Variants in B4GALNT3 observed in about 807,000 individuals in gnomAD.
B4GALNT3 encodes beta-1,4-N-acetylgalactosaminyltransferase 3.
Under a neutral mutation model 120.2 loss-of-function variants are expected in B4GALNT3, and 86 were observed. The ratio of observed to expected loss-of-function variants is 0.72; its 90% confidence interval spans 0.60 to 0.86. The LOEUF (loss-of-function observed/expected upper bound fraction) is 0.86. B4GALNT3 is among the 40% of genes least tolerant of loss of function. The pLI is 0.00. For missense variants in B4GALNT3, 1,167 were observed against 1,298.9 expected (o/e 0.90, Z 1.56); for synonymous variants, 518 against 510.4 (o/e 1.01, Z -0.20).
intron 1 of B4GALNT3, among the ~76,000 whole-genome samples, chr12:490,047 A>G (rs1414226697): frequency 6.6e-6 from 1 of 152,242 alleles, no homozygotes; most frequent in Non-Finnish European, 1.5e-5. Flanking sequence ...AGAGAAATGT[A>G]AAAATCTTGA....
rs573970193 is a variant in B4GALNT3, at chr12:544,433, A to G, written c.446A>G (p.His149Arg). Reference sequence around the variant, plus strand: ...AACCTGCATTTCCCACTGTACCCCCATGTGAGTGCCTGAGGGCTGCCTTGC... The same window carrying G: ...AACCTGCATTTCCCACTGTACCCCCGTGTGAGTGCCTGAGGGCTGCCTTGC... ...RRNLHFPLYP[H>R]IRTTLRKLAV... is the part of the protein sequence containing the mutation. The change falls in exon 4 of 20, where the codon CAT (histidine) becomes CGT (arginine). Residue 149 changes from histidine (H) to arginine (R), a missense_variant and splice_region_variant. Physicochemically the swap from His to Arg is conservative, Grantham distance 29. Transcript: ENST00000266383. 2.5e-6 allele frequency: 4 copies of G among 1,613,478 alleles called. No individual in the cohort carries two copies. In the East Asian group the frequency reaches 6.7e-5, roughly 27 times the overall value.
At chr12:555,025 A>G (rs1340351294) in intron 14 of B4GALNT3, among the ~76,000 whole-genome samples, 2 of 151,738 alleles carry the variant, frequency 1.3e-5, no homozygotes, top group Non-Finnish European at 2.9e-5. Context: ...TAAAAATACA[A>G]AAATTAGCAG....
intron 1 of B4GALNT3, among the ~76,000 whole-genome samples, chr12:526,054 G>C (rs940322831): frequency 4.6e-5 from 7 of 152,184 alleles, no homozygotes; most frequent in African/African-American, 1.7e-4. Flanking sequence ...GCATAATGCA[G>C]AACTGGCCTG....
chr12:546,213 G>GGGGGGTGTGAGAGGAGGGAA (rs1947005299), intron 6 of B4GALNT3, among the ~76,000 whole-genome samples: 1 of 111,942 alleles, frequency 8.9e-6, no homozygotes, highest in Non-Finnish European at 1.8e-5. Flanking sequence ...AGAGGAGGGA[G>GGGGGGTGTGAGAGGAGGGAA]GGGGGTGTGG....
At chr12:517,532 G>A (rs1946669355) in intron 1 of B4GALNT3, among the ~76,000 whole-genome samples, 2 of 151,980 alleles carry the variant, frequency 1.3e-5, no homozygotes, top group Admixed American at 1.3e-4. Flanking sequence ...GTCTCTTTAG[G>A]GACAGTGATG....
At chr12:499,506 TCAC>T (rs1946419959) in intron 1 of B4GALNT3, among the ~76,000 whole-genome samples, 1 of 125,624 alleles carries the variant, frequency 8.0e-6, no homozygotes, top group African/African-American at 3.8e-5. Flanking sequence ...GCCCGTGCTC[TCAC>T]TATCTACTAG....
chr12:492,067 A>AAAAAG (rs1555152661), intron 1 of B4GALNT3, among the ~76,000 whole-genome samples: 1 of 151,544 alleles, frequency 6.6e-6, no homozygotes, highest in African/African-American at 2.4e-5. Flanking sequence ...AAAAAAAAAA[A>AAAAAG]GAACAAGGCA....
intron 3 of B4GALNT3, chr12:543,249 A>G (rs1326037468): frequency 8.0e-7 from 1 of 1,251,300 alleles, no homozygotes; most frequent in Middle Eastern, 2.2e-4. Context: ...AATGGGATAG[A>G]GTGGGCCGGA....
chr12:523,030 T>C (rs900858201), intron 1 of B4GALNT3, among the ~76,000 whole-genome samples: 6 of 151,414 alleles, frequency 4.0e-5, no homozygotes, highest in African/African-American at 1.2e-4. Flanking sequence ...AAAAATTAAA[T>C]TTAAAAAAGA....
intron 1 of B4GALNT3, among the ~76,000 whole-genome samples, chr12:479,465 A>G (rs2120465139): frequency 6.6e-6 from 1 of 152,326 alleles, no homozygotes; most frequent in South Asian, 2.1e-4. Context: ...CATCAGCAGT[A>G]AAAGGGGATA....
chr12:472,976 CTTTTTTTT>C (rs71439341), intron 1 of B4GALNT3, among the ~76,000 whole-genome samples: 20 of 146,634 alleles, frequency 1.4e-4, no homozygotes, highest in East Asian at 4.0e-4. Context: ...TGTTCAAACA[CTTTTTTTT>C]TTTTTTTTTT....
At chr12:555,409 C>G (rs970345217) in intron 14 of B4GALNT3, 11 of 455,712 alleles carry the variant, frequency 2.4e-5, no homozygotes, top group Non-Finnish European at 4.0e-5. Flanking sequence ...GTTGTAGAAT[C>G]TATTAAACAC....
At position 552,072 on chromosome 12, in the gene B4GALNT3, T is replaced by C; in HGVS notation, c.1117T>C (p.Ser373Pro). Residue 373 changes from serine to proline, a missense_variant, in exon 12 of 20, where the codon TCT becomes CCT. By Grantham distance (74) the Ser-to-Pro change is moderately conservative. Around this residue, in one of 3 missense-constraint regions of B4GALNT3, gnomAD observed 983 missense variants for 1,102.5 expected, o/e 0.89. Transcript: ENST00000266383. ...RYQGLRFVHLSFVYPNDYTRL... is the reference protein window; with the variant it reads ...RYQGLRFVHLPFVYPNDYTRL... ...ATTTTTCCACTTCCAGGTTCATCTG[T>C]CTTTTGTTTACCCCAATGACTATAC... is the stretch of plus-strand genomic sequence containing the variant. 1 of 1,607,072 alleles carries C rather than the reference T, an allele frequency of 6.2e-7. No individual in the cohort carries two copies. Among genetic ancestry groups the C allele is most frequent in the South Asian group, 1.1e-5 (1 of 90,908 alleles).
At position 553,666 on chromosome 12, in the gene B4GALNT3, G is replaced by A. The variant is rs545338551; in HGVS notation, c.1743G>A (p.Gln581=). The change falls in exon 14 of 20, where the codon CAG becomes CAA. Residue 581 remains glutamine (Q), a synonymous_variant. Coordinates refer to ENST00000266383, the MANE Select transcript of B4GALNT3 (RefSeq NM_173593.4). ...EQRRGDRMRP[Q]APGRGWHGEE... ...GACGGGGTGACAGGATGCGGCCTCA[G>A]GCCCCTGGAAGGGGCTGGCATGGGG... is the stretch of plus-strand genomic sequence containing the variant. 4 of 1,614,064 alleles carry A rather than the reference G, an allele frequency of 2.5e-6. No individual in the cohort carries two copies. The highest frequency in any genetic ancestry group is 1.7e-5 in the Admixed American group (1 of 60,032).
chr12:509,690 A>T (rs751933800), intron 1 of B4GALNT3, among the ~76,000 whole-genome samples: 2 of 152,134 alleles, frequency 1.3e-5, no homozygotes, highest in Non-Finnish European at 2.9e-5. Flanking sequence ...TCCCTCCTGG[A>T]TTCCAGACTG....
intron 18 of B4GALNT3, 83 bp downstream of exon 18, chr12:558,744 A>G (rs12368256): frequency 0.3 from 434,524 of 1,440,986 alleles, 68,104 homozygotes; most frequent in Middle Eastern, 0.41. Context: ...AGTCATATCT[A>G]TGAGCGTCAG....
At chr12:463,582 C>G (rs1370367462) in intron 1 of B4GALNT3, among the ~76,000 whole-genome samples, 1 of 152,086 alleles carries the variant, frequency 6.6e-6, no homozygotes, top group Non-Finnish European at 1.5e-5. Context: ...GTGCCTATAT[C>G]AAAATGGTTG....
chr12:508,991 A>G (rs1946522441), intron 1 of B4GALNT3, among the ~76,000 whole-genome samples: 1 of 152,170 alleles, frequency 6.6e-6, no homozygotes, highest in Non-Finnish European at 1.5e-5. Flanking sequence ...CTTGCTGGGG[A>G]GGTGCCCCAC....
intron 1 of B4GALNT3, among the ~76,000 whole-genome samples, chr12:495,051 G>T (rs2120518450): frequency 6.6e-6 from 1 of 152,304 alleles, no homozygotes; most frequent in Non-Finnish European, 1.5e-5. Flanking sequence ...AGAATGTGTG[G>T]ACCACTTTCT....
Sources: gnomAD v4.1 joint callset for allele counts (sites outside exome capture counted in the v4.1 genomes callset) on GRCh38, gnomAD v4.1.1 for gene constraint, gnomAD v4.1.1 regional missense constraint, MANE v1.5 for transcripts, NCBI Gene and HGNC (gene_info 2026-07-23, HGNC 2026-07-21) for gene names.